The following SLC25A10 variants were observed in gnomAD, a reference collection of about 807,000 sequenced individuals.
SLC25A10 encodes the protein mitochondrial dicarboxylate carrier.
In SLC25A10, 32 loss-of-function variants were observed where a neutral mutation model predicts 40.4. The observed-to-expected ratio is 0.79, with a 90% confidence interval of 0.60 to 1.06. SLC25A10 has a LOEUF of 1.06. Among genes scored for constraint, SLC25A10 ranks in the 50% least tolerant of loss-of-function variants. The pLI is 0.00. For synonymous variants in SLC25A10, 181 were observed against 171.1 expected (o/e 1.06, Z -0.45); for missense variants, 394 against 402.6 (o/e 0.98, Z 0.18).
intron 8 of SLC25A10, 128 bp from the exon 9 acceptor site, chr17:81,717,656 C>A: frequency 7.7e-7 from 1 of 1,304,928 alleles, no homozygotes; most frequent in Non-Finnish European, 1.1e-6. Context: ...CATGGGTCAG[C>A]CTGGTGCCCC....
Position 81,712,296 on chromosome 17 carries a change from CGGGGTGCG to C in SLC25A10, c.-128_-121del. The stretch of plus-strand genomic sequence containing the variant: ...GGGGCGCGCGCGCGCATTGGCTGTG[CGGGGTGCG>C]GGCGCGCGGGCGGCGCTTTGAACCG... On this transcript the variant is annotated 5_prime_UTR_variant, in exon 1 of 11. Coordinates refer to ENST00000350690, the MANE Select transcript of SLC25A10 (RefSeq NM_012140.5). 2.6e-6 allele frequency: 1 copy of C among 381,360 alleles called. No individual in the cohort carries two copies. Among genetic ancestry groups the C allele is most frequent in the Non-Finnish European group, 3.8e-6 (1 of 261,336 alleles). The allele number at this position is 381,360 out of a possible 1,614,324, so 23.6% of individuals were successfully genotyped here.
rs779091129 is a variant in SLC25A10, at chr17:81,720,033, C to G, written c.820C>G (p.Leu274Val). 2 of 1,613,714 alleles carry G rather than the reference C, an allele frequency of 1.2e-6. No homozygotes were observed. The highest frequency in any genetic ancestry group is 3.3e-5 in the Admixed American group (2 of 60,034). The change falls in exon 11 of 11, where the codon CTG becomes GTG. Residue 274 changes from leucine (L) to valine (V), a missense_variant. Transcript: ENST00000350690. ...IPHTVLTFVF[L>V]EQLRKNFGIK... ...CCACACCGTGCTCACTTTTGTGTTT[C>G]TGGAACAGCTACGCAAAAACTTTGG...
rs547085238 is a variant in SLC25A10 at position 81,713,031 on chromosome 17, C to A, written c.93+512C>A. ...ACGTGTCCCTGGGCAAGTGGGGTGA[C>A]CCGATGCCCCGGCTTTGGGCTGCTT... On this transcript the variant is annotated intron_variant, in intron 1 of 10. Coordinates refer to ENST00000350690, the MANE Select transcript of SLC25A10 (RefSeq NM_012140.5). 5.9e-3 allele frequency among the ~76,000 whole-genome samples: 903 copies of A among 152,234 alleles called. 4 individuals carry two copies. Among genetic ancestry groups the A allele is most frequent in the Non-Finnish European group, 9.8e-3 (666 of 68,010 alleles).
In SLC25A10 at chr17:81,712,480, C is replaced by A; in HGVS notation, c.54C>A (p.Cys18Ter). 7.7e-7 allele frequency: 1 copy of A among 1,302,954 alleles called. No homozygotes were observed. 80.7% of individuals were successfully genotyped at this position (1,302,954 alleles called of 1,614,324 possible). ...SRWYFGGLAS[C>*]GAACCTHPLD... ...GGTACTTCGGGGGGCTGGCCTCCTG[C>A]GGGGCCGCCTGCTGCACGCACCCGC... is the stretch of plus-strand genomic sequence containing the variant. The change falls in exon 1 of 11, where the codon TGC (cysteine) becomes TGA (stop). Residue 18 changes from cysteine to a stop codon, truncating the protein, a stop_gained. Coordinates refer to ENST00000350690, the MANE Select transcript of SLC25A10 (RefSeq NM_012140.5). LOFTEE classifies it high-confidence loss of function.
Position 81,717,082 on chromosome 17 carries a change from C to G in SLC25A10, c.534+10C>G, listed in dbSNP as rs1190012030. ...AGTCACTGTGGGCCAGGTAGGCCTC[C>G]TGCGTGGGGTGGGTGTGGGCAGTGC... On this transcript the variant is annotated intron_variant, in intron 7 of 10. Coordinates refer to ENST00000350690, the MANE Select transcript of SLC25A10 (RefSeq NM_012140.5). 1 of 1,613,304 alleles carries G rather than the reference C, an allele frequency of 6.2e-7. No individual in the cohort carries two copies. The highest frequency in any genetic ancestry group is 1.7e-5 in the Admixed American group (1 of 60,008).
At chr17:81,714,581 A>G (rs940259424) in intron 1 of SLC25A10, among the ~76,000 whole-genome samples, 1 of 152,176 alleles carries the variant, frequency 6.6e-6, no homozygotes, top group African/African-American at 2.4e-5. Flanking sequence ...TGTGGTGGAT[A>G]AAAAGTAGGG....
In SLC25A10 at chr17:81,714,966, C is replaced by G; in HGVS notation, c.107C>G (p.Thr36Arg). Residue 36 changes from threonine to arginine, a missense_variant, in exon 2 of 11, where the codon ACG becomes AGG. By Grantham distance (71) the Thr-to-Arg change is moderately conservative (BLOSUM62 -1). Transcript: ENST00000350690. Reference sequence around the variant, plus strand: ...TCACTCCCGCAGGTGCATCTGCAGACGCAGCAGGAGGTGAAGCTGCGCATG... The same window carrying G: ...TCACTCCCGCAGGTGCATCTGCAGAGGCAGCAGGAGGTGAAGCTGCGCATG... The part of the protein sequence containing the change: ...PLDLLKVHLQ[T>R]QQEVKLRMTG... 2.5e-6 allele frequency: 4 copies of G among 1,608,644 alleles called. No individual in the cohort carries two copies. The highest frequency in any genetic ancestry group is 3.4e-6 in the Non-Finnish European group (4 of 1,179,878).
At chr17:81,717,558 T>TG in intron 8 of SLC25A10, 67 bp downstream of exon 8, 5 of 1,557,992 alleles carry the variant, frequency 3.2e-6, no homozygotes, top group Non-Finnish European at 4.4e-6. Context: ...GCACCCAGGA[T>TG]GGGGCGAGGG....
At chr17:81,716,155 G>A (rs1460154660) in intron 5 of SLC25A10, 105 bp downstream of exon 5, 10 of 1,280,644 alleles carry the variant, frequency 7.8e-6, no homozygotes, top group Non-Finnish European at 6.6e-6. Flanking sequence ...CCAGCAGGCC[G>A]AGGTGCCTGC....
At chr17:81,716,437 G>A (rs993248880) in intron 5 of SLC25A10, among the ~76,000 whole-genome samples, 1 of 152,154 alleles carries the variant, frequency 6.6e-6, no homozygotes, top group Non-Finnish European at 1.5e-5. Context: ...CCCGGGGTCC[G>A]CTCCAACTGC....
Position 81,717,462 on chromosome 17 carries a change from T to C in SLC25A10, c.598T>C (p.Phe200Leu), listed in dbSNP as rs527299543. ...CACCGGGTACCTCTCTGACAACATC[T>C]TCACTCACTTTGTCGCCAGCTTTAT... ...LSTGYLSDNI[F>L]THFVASFIAG... Residue 200 changes from phenylalanine to leucine, a missense_variant, in exon 8 of 11, where the codon TTC becomes CTC. Physicochemically the swap from Phe to Leu is conservative, Grantham distance 22. Transcript: ENST00000350690. 1 of 1,613,674 alleles carries C rather than the reference T, an allele frequency of 6.2e-7. No homozygotes were observed. The highest frequency in any genetic ancestry group is 1.7e-5 in the Admixed American group (1 of 60,026).
chr17:81,716,603 G>A (rs920866098), intron 5 of SLC25A10: 21 of 602,992 alleles, frequency 3.5e-5, no homozygotes, highest in Non-Finnish European at 5.6e-5. Context: ...TGTTGGAAAC[G>A]ATGGAACCTC....
rs759336277 is a variant in SLC25A10, at chr17:81,717,381, G to A, written c.535-18G>A. 1.4e-5 allele frequency: 22 copies of A among 1,612,306 alleles called. No homozygotes were observed. Among genetic ancestry groups the A allele is most frequent in the Middle Eastern group, 1.6e-4 (1 of 6,084 alleles). On this transcript the variant is annotated intron_variant, in intron 7 of 10. Transcript: ENST00000350690. Reference sequence around the variant, plus strand: ...TGGGGTCCCCCCTACAGCCCTGACCGCCCTTGTGCCCCTGCAGCTGTCCTG... The same window carrying A: ...TGGGGTCCCCCCTACAGCCCTGACCACCCTTGTGCCCCTGCAGCTGTCCTG...
At chr17:81,719,122 A>G (rs1429346803) in intron 9 of SLC25A10, among the ~76,000 whole-genome samples, 2 of 151,498 alleles carry the variant, frequency 1.3e-5, no homozygotes, top group Non-Finnish European at 2.9e-5. Context: ...TAGTAGAGAC[A>G]GGGTTTCACC....
At position 81,712,375 on chromosome 17, in the gene SLC25A10, G is replaced by C. The variant is rs920110553; in HGVS notation, c.-52G>C. ...GGGCGCTGCGGCCGGTACACGCCGG[G>C]GTAGGGCCGGGGTCGGGTTGTGGTC... is the stretch of plus-strand genomic sequence containing the variant. On this transcript the variant is annotated 5_prime_UTR_variant, in exon 1 of 11. Coordinates refer to ENST00000350690, the MANE Select transcript of SLC25A10 (RefSeq NM_012140.5). 8.7e-7 allele frequency: 1 copy of C among 1,150,750 alleles called. No individual in the cohort carries two copies. The highest frequency in any genetic ancestry group is 1.1e-6 in the Non-Finnish European group (1 of 914,400). 71.3% of individuals were successfully genotyped at this position (1,150,750 alleles called of 1,614,324 possible).
chr17:81,716,170 TC>T (rs1377727226), intron 5 of SLC25A10, 120 bp downstream of exon 5: 4 of 1,099,130 alleles, frequency 3.6e-6, no homozygotes, highest in Non-Finnish European at 5.3e-6. Flanking sequence ...GCCTGCACGG[TC>T]CATGGAGGGT....
chr17:81,714,125 G>A (rs112645573), intron 1 of SLC25A10, among the ~76,000 whole-genome samples: 2,334 of 152,280 alleles, frequency 0.015, 26 homozygotes, highest in Non-Finnish European at 0.024. Flanking sequence ...CATCTTTGCC[G>A]ACCCCTGGGC....
At position 81,715,060 on chromosome 17, in the gene SLC25A10, G is replaced by A. The variant is rs755456580; in HGVS notation, c.201G>A (p.Ser67=). Residue 67 remains serine (S), a synonymous_variant, in exon 2 of 11, where the codon TCG becomes TCA. Coordinates refer to ENST00000350690, the MANE Select transcript of SLC25A10 (RefSeq NM_012140.5). The part of the protein sequence containing the change: ...ILALYSGLSA[S]LCRQMTYSLT... ...CACTCTACAGCGGCCTGAGCGCCTC[G>A]CTGTGCAGACAGGTGCGTGGTGTGT... is the stretch of plus-strand genomic sequence containing the variant. 20 of 1,609,766 alleles carry A rather than the reference G, an allele frequency of 1.2e-5. No homozygotes were observed. In the African/African-American group the frequency reaches 1.5e-4, roughly 12 times the overall value.
intron 1 of SLC25A10, chr17:81,713,364 G>C (rs758978110): frequency 6.3e-6 from 5 of 790,604 alleles, no homozygotes; most frequent in Non-Finnish European, 4.6e-6. Context: ...CCTGCCCTGT[G>C]AACCTGGCTG....
Sources: allele counts gnomAD v4.1 joint callset (sites outside exome capture counted in the v4.1 genomes callset), GRCh38; gene constraint gnomAD v4.1.1; transcripts MANE v1.5; gene names NCBI Gene and HGNC (gene_info 2026-07-23, HGNC 2026-07-21).